Variants in FRMD4A observed in about 807,000 individuals in gnomAD.
FRMD4A encodes FERM domain-containing protein 4A.
FRMD4A carries 29 observed loss-of-function variants against 129.1 expected under a neutral mutation model. That is an observed-to-expected ratio of 0.22 (90% confidence interval 0.17 to 0.31). FRMD4A has a LOEUF of 0.31. Ranked by LOEUF, FRMD4A falls within the 10% of genes least tolerant of loss-of-function variation. The pLI, the probability that FRMD4A is intolerant of heterozygous loss-of-function variation, is 1.00. For missense variants in FRMD4A, 1,272 were observed against 1,375.8 expected (o/e 0.92, Z 1.19); for synonymous variants, 634 against 571.6 (o/e 1.11, Z -1.56).
chr10:13,681,395 C>A (rs2084570484), intron 15 of FRMD4A, among the ~76,000 whole-genome samples: 1 of 152,078 alleles, frequency 6.6e-6, no homozygotes, highest in Admixed American at 6.6e-5. Flanking sequence ...ATGGATGGAA[C>A]CTCTTTATTC....
chr10:14,316,832 C>T (rs563813593), intron 2 of FRMD4A, among the ~76,000 whole-genome samples: 2 of 152,324 alleles, frequency 1.3e-5, no homozygotes, highest in East Asian at 3.9e-4. Flanking sequence ...AGCCTAGGAA[C>T]AACTCCATCC....
rs111998747 is a variant in FRMD4A, at chr10:13,899,667, A to G, written c.46-40755T>C. Among the ~76,000 whole-genome samples the G allele has an allele frequency of 5.3e-3, 800 of 152,294 alleles. 2 individuals carry two copies. The highest frequency in any genetic ancestry group is 8.6e-3 in the Admixed American group (131 of 15,306). On this transcript the variant is annotated intron_variant, in intron 2 of 24. Coordinates refer to ENST00000357447, the MANE Select transcript of FRMD4A (RefSeq NM_018027.5). ...GCCAGAGCGAGACCCTGTCTCTATG[A>G]CAAAAAAGAAAATGAAGCCACATGC... is the stretch of plus-strand genomic sequence containing the variant.
chr10:13,798,025 T>G (rs2093161072), intron 4 of FRMD4A, among the ~76,000 whole-genome samples: 1 of 152,228 alleles, frequency 6.6e-6, no homozygotes, highest in South Asian at 2.1e-4. Context: ...TGGCCTGTTT[T>G]TCCTCTTTCT....
chr10:13,784,724 C>T (rs992656783), intron 5 of FRMD4A, among the ~76,000 whole-genome samples: 4 of 152,136 alleles, frequency 2.6e-5, no homozygotes, highest in African/African-American at 9.7e-5. Context: ...CGCGGTGGCT[C>T]ACACCTGTCA....
At chr10:14,053,968 C>T (rs1462635844) in intron 2 of FRMD4A, among the ~76,000 whole-genome samples, 1 of 152,150 alleles carries the variant, frequency 6.6e-6, no homozygotes, top group Non-Finnish European at 1.5e-5. Flanking sequence ...GATCACCCCA[C>T]TGCACTCCAG....
intron 2 of FRMD4A, among the ~76,000 whole-genome samples, chr10:13,946,536 T>C (rs751875399): frequency 6.6e-6 from 1 of 152,220 alleles, no homozygotes; most frequent in Non-Finnish European, 1.5e-5. Context: ...TGGGTCAGTC[T>C]GGAAACTCTG....
chr10:13,787,838 T>C (rs2092906464), intron 5 of FRMD4A, among the ~76,000 whole-genome samples: 1 of 151,190 alleles, frequency 6.6e-6, no homozygotes, highest in East Asian at 1.9e-4. Context: ...TCCCAGCACT[T>C]TGGGAGGCCG....
rs66980805 is a variant in FRMD4A at position 13,925,566 on chromosome 10, C to CTTTTT, written c.46-66659_46-66655dup. Among the ~76,000 whole-genome samples the CTTTTT allele has an allele frequency of 4.2e-3, 258 of 61,932 alleles. 51 individuals carry two copies. The highest frequency in any genetic ancestry group is 7.6e-3 in the African/African-American group (106 of 14,004). The allele number at this position is 61,932 out of a possible 152,430, so 40.6% of individuals were successfully genotyped here. A position where few individuals can be genotyped will look rare whatever the true frequency, so the allele number is the denominator to read the frequency against. On this transcript the variant is annotated intron_variant, in intron 2 of 24. Transcript: ENST00000357447. ...TGAAAGTTTCTATTGTAGTGAAACG[C>CTTTTT]TTTTTTTTTTTTTTTTTTTTTTTTT...
In FRMD4A at chr10:13,831,650, G is replaced by A. The variant is rs976170188; in HGVS notation, c.112-20742C>T. 5.9e-5 allele frequency among the ~76,000 whole-genome samples: 9 copies of A among 152,184 alleles called. No individual in the cohort carries two copies. In the South Asian group the frequency reaches 1.9e-3, roughly 32 times the overall value. On this transcript the variant is annotated intron_variant, in intron 3 of 24. Coordinates refer to ENST00000357447, the MANE Select transcript of FRMD4A (RefSeq NM_018027.5). Reference sequence around the variant, plus strand: ...TGGACACCATGGAGTTAAATAAGATGGTGTATGGGACATGTAACTCAGTTC... The same window carrying A: ...TGGACACCATGGAGTTAAATAAGATAGTGTATGGGACATGTAACTCAGTTC...
intron 15 of FRMD4A, among the ~76,000 whole-genome samples, chr10:13,679,842 G>C (rs1011224500): frequency 6.6e-6 from 1 of 152,066 alleles, no homozygotes; most frequent in Non-Finnish European, 1.5e-5. Context: ...GGCCACCAAG[G>C]CAAGAGGTGG....
chr10:14,246,769 C>T (rs1300811630), intron 2 of FRMD4A, among the ~76,000 whole-genome samples: 1 of 152,054 alleles, frequency 6.6e-6, no homozygotes, highest in South Asian at 2.1e-4. Flanking sequence ...AGGTTAGGTC[C>T]CGCCTCGGTG....
intron 2 of FRMD4A, among the ~76,000 whole-genome samples, chr10:13,874,062 A>G (rs2094465655): frequency 6.6e-6 from 1 of 151,076 alleles, no homozygotes; most frequent in Admixed American, 6.6e-5. Context: ...CCTGGCCAAC[A>G]TGGTGAAACC....
intron 2 of FRMD4A, among the ~76,000 whole-genome samples, chr10:14,122,408 G>A (rs1838578613): frequency 6.6e-6 from 1 of 152,004 alleles, no homozygotes; most frequent in Non-Finnish European, 1.5e-5. Flanking sequence ...GTCTCGCATT[G>A]CTATAAAGAA....
chr10:14,289,719 C>A (rs1845792610), intron 2 of FRMD4A, among the ~76,000 whole-genome samples: 1 of 152,068 alleles, frequency 6.6e-6, no homozygotes, highest in Non-Finnish European at 1.5e-5. Flanking sequence ...CCTACTTTCA[C>A]CACTTTTATT....
chr10:14,283,382 A>G lies in FRMD4A; in HGVS notation c.45+46676T>C, dbSNP rs889253600. On this transcript the variant is annotated intron_variant, in intron 2 of 24. Coordinates refer to ENST00000357447, the MANE Select transcript of FRMD4A (RefSeq NM_018027.5). ...TCACTGAAAAGACAGCAAAATGTAA[A>G]AGAAACTACATAACAGACCTAATTA... Among the ~76,000 whole-genome samples the G allele has an allele frequency of 3.3e-5, 5 of 152,224 alleles. No individual in the cohort carries two copies. The East Asian group carries it at 9.6e-4, about 29-fold the overall frequency.
rs1449162633 is a variant in FRMD4A at position 14,097,149 on chromosome 10, AAAAAAAAAAAAAAAAAAAG to A, written c.45+232890_45+232908del. The A allele has an allele frequency of 5.5e-5, 7 of 126,846 alleles. No individual in the cohort carries two copies. The East Asian group carries it at 1.2e-3, about 22-fold the overall frequency. 7.9% of individuals were successfully genotyped at this position (126,846 alleles called of 1,614,324 possible). On this transcript the variant is annotated intron_variant, in intron 2 of 24. Coordinates refer to ENST00000357447, the MANE Select transcript of FRMD4A (RefSeq NM_018027.5). ...ACAGTGAGACTCCATCTCAAAAAAAAAAAAAAAAAAAAAAAAAAGAAAAGAAAAGAAAAGGTGTCATTTG... is the reference window on the plus strand; with the variant it reads ...ACAGTGAGACTCCATCTCAAAAAAAAAAAAGAAAAGAAAAGGTGTCATTTG...
chr10:14,025,408 T>C (rs1565193602), intron 2 of FRMD4A, among the ~76,000 whole-genome samples: 1 of 152,210 alleles, frequency 6.6e-6, no homozygotes, highest in Non-Finnish European at 1.5e-5. Context: ...GTTAAGTACA[T>C]TCACCTTGTA....
intron 12 of FRMD4A, among the ~76,000 whole-genome samples, chr10:13,714,020 A>ATATACATATATAAAATACATATAT (rs1564672604): frequency 0.05 from 21 of 418 alleles, 1 homozygote; most frequent in African/African-American, 0.061. Flanking sequence ...TACATATATA[A>ATATACATATATAAAATACATATAT]AATATACATA....
At chr10:14,307,982 T>A (rs1326591289) in intron 2 of FRMD4A, among the ~76,000 whole-genome samples, 1 of 150,850 alleles carries the variant, frequency 6.6e-6, no homozygotes, top group African/African-American at 2.5e-5. Flanking sequence ...TGAAGGCTGG[T>A]GGCAAAATCT....
Sources: allele counts gnomAD v4.1 joint callset (sites outside exome capture counted in the v4.1 genomes callset), GRCh38; gene constraint gnomAD v4.1.1; transcripts MANE v1.5; gene names NCBI Gene and HGNC (gene_info 2026-07-23, HGNC 2026-07-21).